FSTL4: variants seen among roughly 807,000 people sequenced by gnomAD.
FSTL4 encodes follistatin like 4, also known as follistatin-related protein 4.
A neutral mutation model predicts 78.2 loss-of-function variants in FSTL4; 28 were observed. That is an observed-to-expected ratio of 0.36 (90% CI 0.27 to 0.49). The LOEUF (loss-of-function observed/expected upper bound fraction) is 0.49, where lower values mean the gene tolerates loss of function less well. Ranked by LOEUF, FSTL4 falls within the 20% of genes least tolerant of loss-of-function variation. FSTL4 has a pLI of 0.98. For missense variants in FSTL4, 922 were observed against 1,084.9 expected, an observed-to-expected ratio of 0.85 and a Z score of 2.11; for synonymous variants, 422 against 440.5, an observed-to-expected ratio of 0.96 and a Z score of 0.53.
At chr5:133,223,601 G>A (rs980908717) in intron 11 of FSTL4, among the ~76,000 whole-genome samples, 2 of 152,094 alleles carry the variant, frequency 1.3e-5, no homozygotes, top group African/African-American at 4.8e-5. Context: ...TCCCACACAT[G>A]CCCACTATAT....
upstream of FSTL4, among the ~76,000 whole-genome samples, chr5:133,615,747 A>C (rs1015006412): frequency 1.3e-5 from 2 of 152,240 alleles, no homozygotes; most frequent in Non-Finnish European, 2.9e-5. Context: ...AAGATTACAC[A>C]TACATAATTG....
intron 4 of FSTL4, among the ~76,000 whole-genome samples, chr5:133,389,377 T>C (rs1307158971): frequency 6.6e-6 from 1 of 152,158 alleles, no homozygotes; most frequent in Non-Finnish European, 1.5e-5. Context: ...GGGTCTTAAC[T>C]TCCCTGTAAC....
At chr5:133,650,160 CACTT>C in the FSTL4 span, among the ~76,000 whole-genome samples, 13 of 152,040 alleles carry the variant, frequency 8.6e-5, no homozygotes, top group Non-Finnish European at 1.6e-4. Flanking sequence ...AGTGAGAACT[CACTT>C]ACCCCAAGAG....
chr5:133,729,201 A>G, the FSTL4 span, among the ~76,000 whole-genome samples: 1 of 147,960 alleles, frequency 6.8e-6, no homozygotes, highest in African/African-American at 2.5e-5. Context: ...TGGCACATGA[A>G]TTCCTGCATA....
At chr5:133,299,178 A>G (rs1175615466) in intron 6 of FSTL4, among the ~76,000 whole-genome samples, 1 of 152,038 alleles carries the variant, frequency 6.6e-6, no homozygotes, top group East Asian at 1.9e-4. Context: ...CTGTGGTCTC[A>G]AGGGCAGGGA....
chr5:133,382,373 T>C (rs1755594260), intron 4 of FSTL4, among the ~76,000 whole-genome samples: 2 of 152,252 alleles, frequency 1.3e-5, no homozygotes, highest in African/African-American at 4.8e-5. Context: ...CTAACACTCC[T>C]CTGAAACCTC....
chr5:133,789,863 C>T, the FSTL4 span, among the ~76,000 whole-genome samples: 5 of 152,188 alleles, frequency 3.3e-5, no homozygotes, highest in Non-Finnish European at 7.4e-5. Flanking sequence ...CTTATGTCCT[C>T]ATCTAAACTT....
At chr5:133,455,552 T>C (rs768816282) in intron 3 of FSTL4, among the ~76,000 whole-genome samples, 15 of 152,270 alleles carry the variant, frequency 9.9e-5, no homozygotes, top group Admixed American at 4.6e-4. Flanking sequence ...AAATACCTGC[T>C]AGAAAGGCCC....
At chr5:133,237,615 T>C (rs1259776719) in intron 7 of FSTL4, among the ~76,000 whole-genome samples, 1 of 152,228 alleles carries the variant, frequency 6.6e-6, no homozygotes, top group Non-Finnish European at 1.5e-5. Context: ...GTGAAAATGA[T>C]AGGCATCATA....
At chr5:133,380,132 T>TA (rs1263683299) in intron 4 of FSTL4, among the ~76,000 whole-genome samples, 1 of 151,078 alleles carries the variant, frequency 6.6e-6, no homozygotes, top group Non-Finnish European at 1.5e-5. Context: ...TAACACATAG[T>TA]AAAAAGAAGA....
At chr5:133,396,495 A>G (rs753950033) in intron 4 of FSTL4, among the ~76,000 whole-genome samples, 1 of 152,144 alleles carries the variant, frequency 6.6e-6, no homozygotes, top group Non-Finnish European at 1.5e-5. Context: ...TAAATCCCCT[A>G]TCAATGCCTG....
intron 3 of FSTL4, among the ~76,000 whole-genome samples, chr5:133,455,772 AC>A (rs1295248542): frequency 6.6e-6 from 1 of 152,248 alleles, no homozygotes; most frequent in Non-Finnish European, 1.5e-5. Flanking sequence ...AGGGTTGGTG[AC>A]ATGGAATTAT....
the FSTL4 span, among the ~76,000 whole-genome samples, chr5:133,727,365 A>G: frequency 1.3e-5 from 2 of 152,172 alleles, no homozygotes; most frequent in South Asian, 2.1e-4. Flanking sequence ...ATCCTCTTCC[A>G]TTGTTGAAGC....
chr5:133,762,357 G>A, the FSTL4 span, among the ~76,000 whole-genome samples: 2 of 152,082 alleles, frequency 1.3e-5, no homozygotes, highest in African/African-American at 4.8e-5. Context: ...CAACCTCTCT[G>A]GACAAGCAGA....
At chr5:133,484,775 G>A (rs939269272) in intron 3 of FSTL4, among the ~76,000 whole-genome samples, 50 of 152,212 alleles carry the variant, frequency 3.3e-4, no homozygotes, top group African/African-American at 1.2e-3. Flanking sequence ...TTCTGCAACC[G>A]ATGTCAGTGT....
intron 6 of FSTL4, among the ~76,000 whole-genome samples, chr5:133,290,358 G>A (rs1209979931): frequency 6.6e-6 from 1 of 152,240 alleles, no homozygotes; most frequent in African/African-American, 2.4e-5. Context: ...CTGGGCGAAT[G>A]AGGAAAATGG....
the FSTL4 span, among the ~76,000 whole-genome samples, chr5:133,817,968 A>G: frequency 6.6e-6 from 1 of 152,250 alleles, no homozygotes; most frequent in African/African-American, 2.4e-5. Context: ...GTCATCCAGT[A>G]GAATCTGGAT....
At chr5:133,696,804 G>T in the FSTL4 span, among the ~76,000 whole-genome samples, 1 of 152,352 alleles carries the variant, frequency 6.6e-6, no homozygotes, top group South Asian at 2.1e-4. Flanking sequence ...ATGCGAGTGG[G>T]TACAGGGGTG....
intron 2 of FSTL4, among the ~76,000 whole-genome samples, chr5:133,571,936 A>C (rs559494930): frequency 6.6e-6 from 1 of 152,320 alleles, no homozygotes; most frequent in African/African-American, 2.4e-5. Flanking sequence ...CATGTAATTA[A>C]ATTTTCAGAG....
Sources: allele counts gnomAD v4.1 joint callset (sites outside exome capture counted in the v4.1 genomes callset), GRCh38; gene constraint gnomAD v4.1.1; transcripts MANE v1.5; gene names NCBI Gene and HGNC (gene_info 2026-07-23, HGNC 2026-07-21).